Variants in ERC1 observed in about 807,000 individuals in gnomAD.
ERC1 encodes RAB6 interacting protein 2.
Under a neutral mutation model 132.0 loss-of-function variants are expected in ERC1, and 56 were observed. The observed-to-expected ratio is 0.42, with a 90% confidence interval of 0.34 to 0.53. The LOEUF is 0.53. Ranked by LOEUF, ERC1 falls within the 20% of genes least tolerant of loss-of-function variation. The probability of loss-of-function intolerance (pLI) is 0.03; values close to 1 mark genes in which losing one functional copy is unlikely to be tolerated. For missense variants in ERC1, 1,202 were observed against 1,349.9 expected (o/e 0.89, Z 1.72); for synonymous variants, 478 against 476.1 (o/e 1.00, Z -0.05).
intron 12 of ERC1, among the ~76,000 whole-genome samples, chr12:1,206,200 AT>A (rs1414742068): frequency 1.3e-5 from 2 of 151,882 alleles, no homozygotes; most frequent in South Asian, 2.1e-4. Flanking sequence ...TTAGTGCAGT[AT>A]TTTTTTTCTA....
chr12:1,253,664 G>C (rs2076602508), intron 13 of ERC1, among the ~76,000 whole-genome samples: 1 of 152,056 alleles, frequency 6.6e-6, no homozygotes, highest in Admixed American at 6.5e-5. Context: ...CAACAAGAGG[G>C]AAACTGCATC....
chr12:1,291,900 C>T (rs2079477868), intron 15 of ERC1, among the ~76,000 whole-genome samples: 1 of 152,148 alleles, frequency 6.6e-6, no homozygotes, highest in Non-Finnish European at 1.5e-5. Flanking sequence ...ATTGGCAGAT[C>T]CCACAATGGG....
At chr12:1,274,567 G>A (rs1157729007) in intron 14 of ERC1, among the ~76,000 whole-genome samples, 2 of 151,676 alleles carry the variant, frequency 1.3e-5, no homozygotes, top group Non-Finnish European at 2.9e-5. Context: ...GTCTTGGCTT[G>A]CTGCAACCTC....
At chr12:1,301,656 A>T (rs79819462) in intron 15 of ERC1, among the ~76,000 whole-genome samples, 6,831 of 152,120 alleles carry the variant, frequency 0.045, 197 homozygotes, top group South Asian at 0.079. Flanking sequence ...TCTGAGGTCT[A>T]TTGGAGGGTG....
chr12:1,142,046 CAA>C (rs1332695456), intron 8 of ERC1, among the ~76,000 whole-genome samples: 1 of 152,100 alleles, frequency 6.6e-6, no homozygotes, highest in Non-Finnish European at 1.5e-5. Context: ...TGTAAATTGC[CAA>C]AGTGTTTGAA....
intron 17 of ERC1, among the ~76,000 whole-genome samples, chr12:1,416,281 T>C (rs1337902788): frequency 1.3e-5 from 2 of 152,218 alleles, no homozygotes; most frequent in Non-Finnish European, 2.9e-5. Flanking sequence ...GTGAGGAATT[T>C]GGAACTATAG....
intron 15 of ERC1, among the ~76,000 whole-genome samples, chr12:1,370,076 A>C (rs561619064): frequency 1.3e-5 from 2 of 152,340 alleles, no homozygotes; most frequent in South Asian, 4.1e-4. Context: ...TGGGCAATGC[A>C]TTCTCAGATT....
At chr12:1,440,056 G>T (rs903436666) in intron 17 of ERC1, among the ~76,000 whole-genome samples, 2 of 152,116 alleles carry the variant, frequency 1.3e-5, no homozygotes, top group African/African-American at 4.8e-5. Flanking sequence ...AGTATTTGTG[G>T]TATTTTGATA....
chr12:1,439,229 T>C (rs1428184230), intron 17 of ERC1, among the ~76,000 whole-genome samples: 1 of 152,158 alleles, frequency 6.6e-6, no homozygotes, highest in Non-Finnish European at 1.5e-5. Context: ...TTGGATCTCA[T>C]AGATGAGTGA....
At chr12:1,149,545 A>G (rs1950656501) in intron 8 of ERC1, among the ~76,000 whole-genome samples, 3 of 152,086 alleles carry the variant, frequency 2.0e-5, no homozygotes, top group Admixed American at 6.6e-5. Context: ...CTACAGACAC[A>G]TGCCACCATG....
chr12:1,151,705 C>A (rs527565585), intron 8 of ERC1: 38 of 151,908 alleles, frequency 2.5e-4, no homozygotes, highest in African/African-American at 8.7e-4. Flanking sequence ...TTCTACCTAA[C>A]GCTGTTGACA....
In ERC1 at chr12:1,249,245, A is replaced by G. The variant is rs139056786; in HGVS notation, c.2487+12341A>G. 5.9e-5 allele frequency among the ~76,000 whole-genome samples: 9 copies of G among 152,326 alleles called. No homozygotes were observed. In the East Asian group the frequency reaches 1.7e-3, roughly 29 times the overall value. On this transcript the variant is annotated intron_variant, in intron 13 of 18. Transcript: ENST00000360905. Reference sequence around the variant, plus strand: ...TTATAATACAAGTACAATAATTTCAATTATAGTAATTGCTATACGCAGAAC... The same window carrying G: ...TTATAATACAAGTACAATAATTTCAGTTATAGTAATTGCTATACGCAGAAC...
intron 15 of ERC1, among the ~76,000 whole-genome samples, chr12:1,318,717 A>T (rs2081930618): frequency 2.0e-5 from 3 of 152,198 alleles, no homozygotes; most frequent in Admixed American, 1.3e-4. Context: ...GAAACCCTGC[A>T]GGTGAAGCTG....
intron 15 of ERC1, among the ~76,000 whole-genome samples, chr12:1,347,593 A>G (rs2084599118): frequency 6.6e-6 from 1 of 152,232 alleles, no homozygotes; most frequent in African/African-American, 2.4e-5. Flanking sequence ...TGTATTTCCA[A>G]GAAAATACAG....
chr12:1,415,960 C>T lies in ERC1; in HGVS notation c.3024+7713C>T, dbSNP rs149018805. On this transcript the variant is annotated intron_variant, in intron 17 of 18. Coordinates refer to ENST00000360905, the MANE Select transcript of ERC1 (RefSeq NM_178040.4). ...TCTTATCTCATACAGGGCTCATAGA[C>T]GTTAAATAATTTTCCAAGATTACAC... Among the ~76,000 whole-genome samples the T allele has an allele frequency of 4.6e-5, 7 of 152,260 alleles. No homozygotes were observed. The East Asian group carries it at 9.6e-4, about 21-fold the overall frequency.
At chr12:1,039,052 T>C (rs1969657681) in intron 2 of ERC1, among the ~76,000 whole-genome samples, 2 of 150,496 alleles carry the variant, frequency 1.3e-5, no homozygotes, top group African/African-American at 4.9e-5. Context: ...AAAACAAAAT[T>C]AGGGCCAGGC....
At chr12:1,164,428 T>C (rs56993974) in intron 8 of ERC1, among the ~76,000 whole-genome samples, 49,091 of 151,958 alleles carry the variant, frequency 0.32, 9,250 homozygotes, top group African/African-American at 0.52. Context: ...CTGCAAGCTC[T>C]GCCTCCCGGG....
chr12:1,011,450 T>C (rs1964672036), intron 1 of ERC1, among the ~76,000 whole-genome samples: 2 of 152,146 alleles, frequency 1.3e-5, no homozygotes. Flanking sequence ...AAGCGATCTG[T>C]CTACCTTGGC....
chr12:1,014,647 T>C (rs1024259719), intron 1 of ERC1, among the ~76,000 whole-genome samples: 42 of 152,202 alleles, frequency 2.8e-4, no homozygotes, highest in Non-Finnish European at 2.2e-4. Context: ...TGTACACAAA[T>C]GAGATTGCCT....
Sources: allele counts gnomAD v4.1 joint callset (sites outside exome capture counted in the v4.1 genomes callset), GRCh38; gene constraint gnomAD v4.1.1; transcripts MANE v1.5; gene names NCBI Gene and HGNC (gene_info 2026-07-23, HGNC 2026-07-21).